Variants in BICD1 observed in about 807,000 individuals in gnomAD.
BICD1 encodes the protein protein bicaudal D homolog 1.
BICD1 carries 35 observed loss-of-function variants against 92.5 expected under a neutral mutation model. The ratio of observed to expected loss-of-function variants is 0.38; its 90% CI spans 0.29 to 0.50. BICD1 has a LOEUF of 0.50. Ranked by LOEUF, BICD1 falls within the 20% of genes least tolerant of loss-of-function variation. The pLI is 0.93. For missense variants in BICD1, 950 were observed against 1,189.8 expected (o/e 0.80, Z 2.97); for synonymous variants, 429 against 465.1 (o/e 0.92, Z 1.00).
intron 2 of BICD1, among the ~76,000 whole-genome samples, chr12:32,232,487 A>T (rs1814951659): frequency 6.7e-6 from 1 of 150,184 alleles, no homozygotes; most frequent in Admixed American, 6.7e-5. Flanking sequence ...TCTGGATATC[A>T]GCCCTTTGTC....
At chr12:32,354,106 C>G (rs1236741316) in intron 8 of BICD1, 1 of 152,092 alleles carries the variant, frequency 6.6e-6, no homozygotes. Context: ...TTATATTTCT[C>G]TTTTGCAAGA....
chr12:32,193,773 C>A (rs1032734668), intron 1 of BICD1, among the ~76,000 whole-genome samples: 2 of 152,116 alleles, frequency 1.3e-5, no homozygotes, highest in African/African-American at 2.4e-5. Context: ...TTCTACTATG[C>A]GTTTAAATAA....
At chr12:32,117,238 A>G (rs1018637927) in intron 1 of BICD1, among the ~76,000 whole-genome samples, 16 of 152,192 alleles carry the variant, frequency 1.1e-4, no homozygotes, top group African/African-American at 3.6e-4. Context: ...AGGAAGGGGT[A>G]TATCTAGAAT....
chr12:32,109,686 T>C (rs937822628), intron 1 of BICD1: 1 of 151,972 alleles, frequency 6.6e-6, no homozygotes, highest in African/African-American at 2.4e-5. Flanking sequence ...TATACAGTTA[T>C]ATAAAAATGT....
rs926629923 is a variant in BICD1 at position 32,135,069 on chromosome 12, C to T, written c.213+27525C>T. On this transcript the variant is annotated intron_variant, in intron 1 of 9. Transcript: ENST00000652176. ...CTCCTCCCCTCCATTCCCCTCCCCT[C>T]CCCTTCCCCGCTCCCCTCCTTTATT... Among the ~76,000 whole-genome samples, 3 of 107,138 alleles carry T rather than the reference C, an allele frequency of 2.8e-5. 1 individual carries two copies. Among genetic ancestry groups the T allele is most frequent in the South Asian group, 6.4e-4 (2 of 3,142 alleles). 70.3% of individuals were successfully genotyped at this position (107,138 alleles called of 152,430 possible).
chr12:32,358,924 T>C (rs1939220676), intron 8 of BICD1, among the ~76,000 whole-genome samples: 1 of 152,192 alleles, frequency 6.6e-6, no homozygotes, highest in Non-Finnish European at 1.5e-5. Context: ...TCCTTCTTTC[T>C]TCTACATTTC....
intron 5 of BICD1, chr12:32,332,814 A>C (rs910617748): frequency 1.0e-6 from 1 of 959,336 alleles, no homozygotes; most frequent in African/African-American, 1.8e-5. Flanking sequence ...AAAATAGAAT[A>C]ATATATTCAG....
At chr12:32,221,011 G>A (rs1377112845) in intron 2 of BICD1, among the ~76,000 whole-genome samples, 1 of 146,054 alleles carries the variant, frequency 6.8e-6, no homozygotes, top group Non-Finnish European at 1.5e-5. Flanking sequence ...ACCAAACACC[G>A]CATATTCTCA....
chr12:32,306,241 C>T (rs1948213229), intron 4 of BICD1, 119 bp downstream of exon 4: 1 of 1,095,478 alleles, frequency 9.1e-7, no homozygotes, highest in Non-Finnish European at 1.3e-6. Flanking sequence ...CTTTTCTTCT[C>T]TTTTCTTTTC....
intron 5 of BICD1, among the ~76,000 whole-genome samples, chr12:32,333,518 T>TA (rs1937970662): frequency 6.7e-6 from 1 of 150,172 alleles, no homozygotes; most frequent in East Asian, 1.9e-4. Context: ...AAAGAAATGT[T>TA]AAAAACCAAG....
chr12:32,195,722 A>AT (rs1397401788), intron 1 of BICD1, among the ~76,000 whole-genome samples: 2 of 152,152 alleles, frequency 1.3e-5, no homozygotes, highest in African/African-American at 4.8e-5. Flanking sequence ...CTTGGCAATG[A>AT]TTTTTTTGGA....
At chr12:32,297,617 C>T (rs1947911693) in intron 3 of BICD1, among the ~76,000 whole-genome samples, 1 of 152,168 alleles carries the variant, frequency 6.6e-6, no homozygotes, top group Non-Finnish European at 1.5e-5. Flanking sequence ...CTGAAGTTCC[C>T]AATACGTTGT....
At position 32,313,977 on chromosome 12, in the gene BICD1, C is replaced by G. The variant is rs1413909836; in HGVS notation, c.1005+7855C>G. Among the ~76,000 whole-genome samples, 1 of 152,112 alleles carries G rather than the reference C, an allele frequency of 6.6e-6. No homozygotes were observed. The highest frequency in any genetic ancestry group is 1.5e-5 in the Non-Finnish European group (1 of 68,022). ...CCAGCCTAGGTGAAAGAGCGTGACCCTATCAATAAATAAATAAAATAAAAA... is the reference window on the plus strand; with the variant it reads ...CCAGCCTAGGTGAAAGAGCGTGACCGTATCAATAAATAAATAAAATAAAAA... On this transcript the variant is annotated intron_variant, in intron 4 of 9. Coordinates refer to ENST00000652176, the MANE Select transcript of BICD1 (RefSeq NM_001714.4). This position sits in a 1 kb window ranked among gnomAD's most constrained non-coding sequence, Gnocchi z 4.2.
At position 32,230,395 on chromosome 12, in the gene BICD1, G is replaced by T. The variant is rs540985022; in HGVS notation, c.426+13936G>T. Among the ~76,000 whole-genome samples the T allele has an allele frequency of 6.0e-3, 867 of 145,050 alleles. 6 individuals carry two copies. Among genetic ancestry groups the T allele is most frequent in the East Asian group, 0.019 (96 of 5,048 alleles). ...AGTCTAGGCAACAGAATGAGACCCT[G>T]TCTCAAATAAATAAATAAATAAATA... On this transcript the variant is annotated intron_variant, in intron 2 of 9. Coordinates refer to ENST00000652176, the MANE Select transcript of BICD1 (RefSeq NM_001714.4).
intron 2 of BICD1, among the ~76,000 whole-genome samples, chr12:32,246,054 A>AAAG (rs1555155946): frequency 3.5e-4 from 49 of 140,896 alleles, no homozygotes; most frequent in African/African-American, 1.2e-3. Context: ...AAAAAAAAAA[A>AAAG]GGAAAAAGGA....
rs1218785594 is a variant in BICD1, at chr12:32,339,274, A to G, written c.2764+295A>G. Reference sequence around the variant, plus strand: ...CACAACGCACACACACTTGGATCCTATTTGCAGTTTGGTAGCTCATGGCGA... The same window carrying G: ...CACAACGCACACACACTTGGATCCTGTTTGCAGTTTGGTAGCTCATGGCGA... On this transcript the variant is annotated intron_variant, in intron 8 of 9. Coordinates refer to ENST00000652176, the MANE Select transcript of BICD1 (RefSeq NM_001714.4). 3.7e-6 allele frequency: 4 copies of G among 1,074,834 alleles called. No homozygotes were observed. The African/African-American group carries it at 5.0e-5, about 13-fold the overall frequency. The allele number at this position is 1,074,834 out of a possible 1,614,324, so 66.6% of individuals were successfully genotyped here.
intron 1 of BICD1, among the ~76,000 whole-genome samples, chr12:32,202,826 G>C (rs7955551): frequency 0.13 from 19,566 of 152,146 alleles, 1,340 homozygotes; most frequent in African/African-American, 0.18. Context: ...GCCCAGGCTG[G>C]TCTTGAACAC....
At chr12:32,128,682 T>G (rs1159293100) in intron 1 of BICD1, among the ~76,000 whole-genome samples, 1 of 152,208 alleles carries the variant, frequency 6.6e-6, no homozygotes, top group Admixed American at 6.5e-5. Context: ...GTTTATATTT[T>G]CAAGCCAAAA....
At chr12:32,294,330 T>C (rs1451211049) in intron 3 of BICD1, among the ~76,000 whole-genome samples, 184 bp downstream of exon 3, 1 of 152,202 alleles carries the variant, frequency 6.6e-6, no homozygotes, top group Non-Finnish European at 1.5e-5. Flanking sequence ...AATACACCTG[T>C]AAGTAGTATA....
Sources: gnomAD v4.1 joint callset for allele counts (sites outside exome capture counted in the v4.1 genomes callset) on GRCh38, gnomAD v4.1.1 for gene constraint, Gnocchi (gnomAD v3.1) non-coding constraint, MANE v1.5 for transcripts, NCBI Gene and HGNC (gene_info 2026-07-23, HGNC 2026-07-21) for gene names.